Variants in PRKN observed in about 807,000 individuals in gnomAD.
PRKN encodes the protein parkin RBR E3 ubiquitin protein ligase, also known as E3 ubiquitin-protein ligase parkin.
PRKN carries 56 observed loss-of-function variants against 59.5 expected under a neutral mutation model. The ratio of observed to expected loss-of-function variants is 0.94; its 90% CI spans 0.76 to 1.18. The LOEUF (loss-of-function observed/expected upper bound fraction) is 1.18, where lower values mean the gene tolerates loss of function less well. Ranked by LOEUF, PRKN falls within the 50% of genes most tolerant of loss-of-function variation. The pLI is 0.00. For synonymous variants in PRKN, 250 were observed against 222.1 expected, an observed-to-expected ratio of 1.13 and a Z score of -1.12; for missense variants, 657 against 596.4, an observed-to-expected ratio of 1.10 and a Z score of -1.06.
chr6:162,444,230 C>T (rs1444111982), intron 1 of PRKN, among the ~76,000 whole-genome samples: 1 of 152,042 alleles, frequency 6.6e-6, no homozygotes, highest in Non-Finnish European at 1.5e-5. Context: ...AAGTCACGCT[C>T]TCATCACATC....
intron 7 of PRKN, among the ~76,000 whole-genome samples, chr6:161,744,190 C>CTT (rs377146177): frequency 6.9e-6 from 1 of 144,866 alleles, no homozygotes; most frequent in African/African-American, 2.5e-5. Flanking sequence ...GTTTTTTTTT[C>CTT]TTTTTTTTTT....
At chr6:161,608,228 A>G (rs1430245222) in intron 7 of PRKN, among the ~76,000 whole-genome samples, 2 of 152,168 alleles carry the variant, frequency 1.3e-5, no homozygotes, top group Non-Finnish European at 2.9e-5. Flanking sequence ...GAGATTTATA[A>G]TTCTATTAGA....
intron 1 of PRKN, among the ~76,000 whole-genome samples, chr6:162,609,647 G>T (rs1015303096): frequency 6.6e-6 from 1 of 151,928 alleles, no homozygotes; most frequent in Non-Finnish European, 1.5e-5. Context: ...CACAAACTTT[G>T]GATATTTAAA....
At chr6:162,487,165 A>G (rs555422557) in intron 1 of PRKN, among the ~76,000 whole-genome samples, 7 of 152,348 alleles carry the variant, frequency 4.6e-5, no homozygotes, top group Non-Finnish European at 7.3e-5. Context: ...TTAAAATCTA[A>G]TAAGATATGA....
intron 6 of PRKN, among the ~76,000 whole-genome samples, chr6:161,898,717 A>C (rs1777760431): frequency 6.6e-6 from 1 of 152,158 alleles, no homozygotes; most frequent in Admixed American, 6.5e-5. Context: ...AAAATGTCTG[A>C]GTTTCTTAGC....
intron 2 of PRKN, among the ~76,000 whole-genome samples, chr6:162,326,018 G>A (rs549116311): frequency 6.6e-6 from 1 of 152,172 alleles, no homozygotes; most frequent in South Asian, 2.1e-4. Context: ...ATCAGAGGCC[G>A]CTCATAGAAG....
chr6:162,262,064 A>T (rs903453004), intron 3 of PRKN, among the ~76,000 whole-genome samples: 41 of 152,334 alleles, frequency 2.7e-4, no homozygotes, highest in African/African-American at 9.6e-4. Flanking sequence ...ATTAGAGAAT[A>T]AAAGACTAAG....
intron 7 of PRKN, among the ~76,000 whole-genome samples, chr6:161,767,688 G>T (rs952745237): frequency 6.6e-6 from 1 of 151,848 alleles, no homozygotes. Context: ...TCTCAACTGA[G>T]GCTGTTTAGG....
chr6:161,900,735 C>T (rs1207419337), intron 6 of PRKN, among the ~76,000 whole-genome samples: 2 of 75,236 alleles, frequency 2.7e-5, no homozygotes, highest in East Asian at 7.3e-4. Context: ...TTATGTATAA[C>T]ATATATTTAT....
intron 6 of PRKN, among the ~76,000 whole-genome samples, chr6:161,929,224 G>A (rs1430027134): frequency 2.0e-5 from 3 of 152,056 alleles, no homozygotes; most frequent in African/African-American, 4.8e-5. Context: ...AAAATCACAA[G>A]TATTATATAA....
At chr6:162,193,860 G>A (rs763132777) in intron 4 of PRKN, among the ~76,000 whole-genome samples, 7 of 152,168 alleles carry the variant, frequency 4.6e-5, no homozygotes, top group Non-Finnish European at 8.8e-5. Flanking sequence ...GTTGCAGAAG[G>A]GAGCAGGGGC....
chr6:161,694,695 T>G (rs955278546), intron 7 of PRKN, among the ~76,000 whole-genome samples: 1 of 152,218 alleles, frequency 6.6e-6, no homozygotes, highest in Admixed American at 6.5e-5. Flanking sequence ...TGAATCTTCT[T>G]GGAATCAGTG....
Position 161,594,319 on chromosome 6 carries a change from GCT to G in PRKN, c.872-24905_872-24904del, listed in dbSNP as rs1403096851. ...CTCTTCCTCCCAGATCCCCATCCCAGCTCTGTCTTATGAGAGAAACAAGGAAA... is the reference window on the plus strand; with the variant it reads ...CTCTTCCTCCCAGATCCCCATCCCAGCTGTCTTATGAGAGAAACAAGGAAA... On this transcript the variant is annotated intron_variant, in intron 7 of 11. Coordinates refer to ENST00000366898, the MANE Select transcript of PRKN (RefSeq NM_004562.3). Among the ~76,000 whole-genome samples, 6 of 152,240 alleles carry G rather than the reference GCT, an allele frequency of 3.9e-5. No individual in the cohort carries two copies. The South Asian group carries it at 1.0e-3, about 26-fold the overall frequency.
chr6:161,874,225 T>A (rs187787764), intron 6 of PRKN, among the ~76,000 whole-genome samples: 6,322 of 25,448 alleles, frequency 0.25, 946 homozygotes, highest in Middle Eastern at 0.5. Flanking sequence ...ATAATATATA[T>A]TATATATAAT....
chr6:161,797,928 G>A (rs112040850), intron 6 of PRKN, among the ~76,000 whole-genome samples: 27 of 152,264 alleles, frequency 1.8e-4, no homozygotes, highest in African/African-American at 6.5e-4. Context: ...AGAGCCAGGC[G>A]CAGTGGCTCA....
At chr6:162,172,913 A>AG (rs1487976460) in intron 4 of PRKN, among the ~76,000 whole-genome samples, 10 of 152,134 alleles carry the variant, frequency 6.6e-5, no homozygotes, top group African/African-American at 1.9e-4. Context: ...AAGAGGAAGA[A>AG]GGGGGGCGTG....
chr6:162,507,971 A>G (rs759683358), intron 1 of PRKN, among the ~76,000 whole-genome samples: 6 of 152,330 alleles, frequency 3.9e-5, no homozygotes, highest in Admixed American at 1.3e-4. Context: ...CTCTATGATT[A>G]AGAAAGTATG....
intron 5 of PRKN, among the ~76,000 whole-genome samples, chr6:162,041,713 C>T (rs1784075090): frequency 6.6e-6 from 1 of 152,144 alleles, no homozygotes; most frequent in Non-Finnish European, 1.5e-5. Flanking sequence ...TGCATGGCTT[C>T]TAAGGAACCA....
At chr6:162,002,481 T>A (rs1045168177) in intron 5 of PRKN, among the ~76,000 whole-genome samples, 1 of 152,124 alleles carries the variant, frequency 6.6e-6, no homozygotes, top group Non-Finnish European at 1.5e-5. Context: ...GTTCATGAGA[T>A]CTATTGTGAT....
Sources: gnomAD v4.1 joint callset for allele counts (sites outside exome capture counted in the v4.1 genomes callset) on GRCh38, gnomAD v4.1.1 for gene constraint, MANE v1.5 for transcripts, NCBI Gene and HGNC (gene_info 2026-07-23, HGNC 2026-07-21) for gene names.